Variants in ABLIM1 observed in about 807,000 individuals in gnomAD.
ABLIM1 encodes actin binding LIM protein 1.
ABLIM1 carries 40 observed loss-of-function variants against 107.0 expected under a neutral mutation model. That is an observed-to-expected ratio of 0.37 (90% confidence interval 0.29 to 0.49). ABLIM1 has a LOEUF of 0.49. Ranked by LOEUF, ABLIM1 falls within the 20% of genes least tolerant of loss-of-function variation. The pLI, the probability that ABLIM1 is intolerant of heterozygous loss-of-function variation, is 0.97. For synonymous variants in ABLIM1, 357 were observed against 357.3 expected (o/e 1.00, Z 0.01); for missense variants, 857 against 1,008.5 (o/e 0.85, Z 2.04).
chr10:114,450,066 G>T, intron 14 of ABLIM1: 1 of 386,836 alleles, frequency 2.6e-6, no homozygotes, highest in South Asian at 2.1e-5. Flanking sequence ...TTTAAAGCCT[G>T]TAAGTTGACA....
At chr10:114,749,827 A>G (rs2082472352) in intron 1 of ABLIM1, among the ~76,000 whole-genome samples, 1 of 151,406 alleles carries the variant, frequency 6.6e-6, no homozygotes, top group Admixed American at 6.6e-5. Context: ...CACTCCAGAT[A>G]CTCCCATAGC....
chr10:114,483,678 A>C (rs1276570550), intron 8 of ABLIM1, among the ~76,000 whole-genome samples: 1 of 152,216 alleles, frequency 6.6e-6, no homozygotes, highest in Non-Finnish European at 1.5e-5. Flanking sequence ...CATCGTGCAA[A>C]GAAAGAAGGT....
intron 1 of ABLIM1, among the ~76,000 whole-genome samples, chr10:114,639,780 G>A (rs1443141902): frequency 6.6e-6 from 1 of 152,210 alleles, no homozygotes; most frequent in African/African-American, 2.4e-5. Flanking sequence ...TCTGATGGGA[G>A]AGCGGAGCAC....
intron 1 of ABLIM1, among the ~76,000 whole-genome samples, chr10:114,649,172 C>A (rs1438017860): frequency 6.6e-6 from 1 of 151,918 alleles, no homozygotes; most frequent in Non-Finnish European, 1.5e-5. Context: ...CCGAGGCGGG[C>A]AGGTCATTTG....
chr10:114,576,813 G>T (rs2139021284), intron 2 of ABLIM1, among the ~76,000 whole-genome samples: 1 of 152,246 alleles, frequency 6.6e-6, no homozygotes, highest in Admixed American at 6.5e-5. Flanking sequence ...CTTCTTCTTT[G>T]CAATTTACAA....
intron 1 of ABLIM1, among the ~76,000 whole-genome samples, chr10:114,717,765 T>TA (rs1433385347): frequency 1.3e-5 from 2 of 151,194 alleles, no homozygotes; most frequent in Non-Finnish European, 2.9e-5. Flanking sequence ...AAATAAAAAA[T>TA]AGTCAGGCAT....
In ABLIM1 at chr10:114,547,755, T is replaced by C. The variant is rs1303154038; in HGVS notation, c.695A>G (p.Asp232Gly). ...FSSNCAGCGRDIKNGQALLAL... is the reference protein window; with the variant it reads ...FSSNCAGCGRGIKNGQALLAL... ...CAGCAGCGCCTGCCCATTCTTGATA[T>C]CTCTTCCGCAGCCGGCACAATCTGA... is the stretch of plus-strand genomic sequence containing the variant. Residue 232 changes from aspartate (D) to glycine (G), a missense_variant, in exon 5 of 23, where the codon GAT becomes GGT. Asp to Gly is a moderately conservative substitution (Grantham distance 94). Around this residue, in one of 5 missense-constraint regions of ABLIM1, gnomAD observed 381 missense variants for 506.9 expected, o/e 0.75. Transcript: ENST00000533213. The C allele has an allele frequency of 1.9e-6, 3 of 1,610,942 alleles. No individual in the cohort carries two copies. The highest frequency in any genetic ancestry group is 2.5e-6 in the Non-Finnish European group (3 of 1,180,008).
chr10:114,597,532 G>T (rs1229774684), intron 2 of ABLIM1, among the ~76,000 whole-genome samples: 1 of 149,168 alleles, frequency 6.7e-6, no homozygotes, highest in African/African-American at 2.5e-5. Context: ...GGAAGGAAAA[G>T]GAAAGAAATA....
intron 4 of ABLIM1, among the ~76,000 whole-genome samples, chr10:114,555,123 A>C (rs1471072300): frequency 6.6e-6 from 1 of 152,104 alleles, no homozygotes; most frequent in Non-Finnish European, 1.5e-5. Context: ...TAAATGGCCC[A>C]CTGTCAGCTT....
At chr10:114,699,991 T>C (rs758988299) in intron 1 of ABLIM1, among the ~76,000 whole-genome samples, 2 of 151,952 alleles carry the variant, frequency 1.3e-5, no homozygotes, top group Non-Finnish European at 2.9e-5. Context: ...TCAGATGGGG[T>C]CTCACTATGT....
chr10:114,602,242 T>C (rs1251026722), intron 1 of ABLIM1, among the ~76,000 whole-genome samples: 2 of 152,334 alleles, frequency 1.3e-5, no homozygotes, highest in East Asian at 1.9e-4. Flanking sequence ...CATTGAACTA[T>C]TGAATACACA....
chr10:114,481,385 A>G (rs1039136649), intron 8 of ABLIM1, among the ~76,000 whole-genome samples: 4 of 150,966 alleles, frequency 2.6e-5, no homozygotes, highest in African/African-American at 9.8e-5. Context: ...GCATCTGGCA[A>G]CTAGATCAGA....
At chr10:114,438,037 C>T in intron 21 of ABLIM1, 113 bp from the exon 22 acceptor site, 1 of 1,013,052 alleles carries the variant, frequency 9.9e-7, no homozygotes, top group South Asian at 1.5e-5. Context: ...ACTGTCATGA[C>T]AGAATTCGAG....
intron 1 of ABLIM1, among the ~76,000 whole-genome samples, chr10:114,641,138 C>T (rs1018185986): frequency 2.7e-5 from 4 of 149,912 alleles, no homozygotes; most frequent in African/African-American, 9.8e-5. Flanking sequence ...TTAATAATAT[C>T]GAAGCTGGGG....
chr10:114,516,565 AC>A (rs1383127303), intron 6 of ABLIM1, among the ~76,000 whole-genome samples: 1 of 152,144 alleles, frequency 6.6e-6, no homozygotes, highest in Non-Finnish European at 1.5e-5. Context: ...GCATCCAAGT[AC>A]CCTGTGCAAC....
chr10:114,708,569 T>A (rs2081475955), intron 1 of ABLIM1, among the ~76,000 whole-genome samples: 1 of 152,210 alleles, frequency 6.6e-6, no homozygotes, highest in South Asian at 2.1e-4. Context: ...GGGGAAAACA[T>A]GGGGAGAATA....
Position 114,491,202 on chromosome 10 carries a change from T to C in ABLIM1, c.982+589A>G, listed in dbSNP as rs543702085. Among the ~76,000 whole-genome samples, 173 of 151,242 alleles carry C rather than the reference T, an allele frequency of 1.1e-3. 4 individuals carry two copies. The South Asian group carries it at 0.033, about 29-fold the overall frequency. The stretch of plus-strand genomic sequence containing the variant: ...CACCAGAAATTTCTCTTTCAGAGAG[T>C]GGGTTCTCTCTTGTTATCTCCTATT... On this transcript the variant is annotated intron_variant, in intron 7 of 22. Transcript: ENST00000533213.
At chr10:114,534,190 G>A (rs2065746108) in intron 6 of ABLIM1, among the ~76,000 whole-genome samples, 1 of 152,128 alleles carries the variant, frequency 6.6e-6, no homozygotes, top group African/African-American at 2.4e-5. Flanking sequence ...AGCCAGGGAT[G>A]GGAGCTGGGA....
intron 1 of ABLIM1, among the ~76,000 whole-genome samples, chr10:114,667,967 A>ATGTCTACC (rs1591784636): frequency 6.6e-6 from 1 of 152,258 alleles, no homozygotes. Context: ...AACAAATGCA[A>ATGTCTACC]TGTCTACCTT....
Sources: gnomAD v4.1 joint callset for allele counts (sites outside exome capture counted in the v4.1 genomes callset) on GRCh38, gnomAD v4.1.1 for gene constraint, gnomAD v4.1.1 regional missense constraint, MANE v1.5 for transcripts, NCBI Gene and HGNC (gene_info 2026-07-23, HGNC 2026-07-21) for gene names.